The following SRGAP2 variants were observed in gnomAD, a reference collection of about 807,000 sequenced individuals.
The protein encoded by SRGAP2 is SLIT-ROBO Rho GTPase activating protein 2.
A neutral mutation model predicts 57.2 loss-of-function variants in SRGAP2; 15 were observed. The observed-to-expected ratio is 0.26, with a 90% CI of 0.18 to 0.40. The LOEUF (loss-of-function observed/expected upper bound fraction) is 0.40, where lower values mean the gene tolerates loss of function less well. Among genes scored for constraint, SRGAP2 ranks in the 10% least tolerant of loss-of-function variants. The pLI, the probability that SRGAP2 is intolerant of heterozygous loss-of-function variation, is 1.00. For synonymous variants in SRGAP2, 249 were observed against 248.0 expected, an observed-to-expected ratio of 1.00 and a Z score of -0.04; for missense variants, 520 against 669.6, an observed-to-expected ratio of 0.78 and a Z score of 2.47.
intron 3 of SRGAP2, among the ~76,000 whole-genome samples, chr1:206,341,367 G>T (rs2102914321): frequency 6.6e-6 from 1 of 152,302 alleles, no homozygotes; most frequent in East Asian, 1.9e-4. Context: ...TACTCGCTTT[G>T]CAGTTATAGG....
intron 2 of SRGAP2, among the ~76,000 whole-genome samples, chr1:206,219,803 CA>C (rs1666866774): frequency 6.6e-6 from 1 of 151,628 alleles, no homozygotes; most frequent in East Asian, 1.9e-4. Flanking sequence ...AGGCCAGTAA[CA>C]ACACAATATG....
At chr1:206,325,728 T>A (rs534133468) in intron 3 of SRGAP2, among the ~76,000 whole-genome samples, 16 of 152,226 alleles carry the variant, frequency 1.1e-4, no homozygotes, top group Middle Eastern at 3.4e-3. Flanking sequence ...TTGATTTTTT[T>A]AAACCTCACT....
chr1:206,226,471 G>C (rs1272589197), intron 2 of SRGAP2, among the ~76,000 whole-genome samples: 4 of 151,866 alleles, frequency 2.6e-5, no homozygotes, highest in Non-Finnish European at 5.9e-5. Context: ...CAGAGGCTTG[G>C]GTACCAGTGG....
At chr1:206,443,960 C>T (rs1258554090) in intron 17 of SRGAP2, among the ~76,000 whole-genome samples, 1 of 152,030 alleles carries the variant, frequency 6.6e-6, no homozygotes, top group South Asian at 2.1e-4. Flanking sequence ...GTGGCCAAGG[C>T]GGGTGGATCA....
chr1:206,365,658 G>A (rs1653931951), intron 4 of SRGAP2, among the ~76,000 whole-genome samples: 1 of 132,034 alleles, frequency 7.6e-6, no homozygotes, highest in Non-Finnish European at 1.6e-5. Flanking sequence ...CGGGGTAGGC[G>A]TACTGATGAG....
intron 4 of SRGAP2, among the ~76,000 whole-genome samples, chr1:206,353,690 A>G (rs1162215743): frequency 3.9e-4 from 59 of 149,994 alleles, no homozygotes; most frequent in African/African-American, 1.4e-3. Flanking sequence ...GCAAGACTCC[A>G]TCTCAAAAAA....
intron 3 of SRGAP2, among the ~76,000 whole-genome samples, chr1:206,329,722 T>A: frequency 6.9e-6 from 1 of 145,280 alleles, no homozygotes; most frequent in Non-Finnish European, 1.5e-5. Context: ...CGAAGGGGTT[T>A]TCTAGATAAA....
chr1:206,213,183 C>T (rs1437640939), intron 2 of SRGAP2: 1 of 151,916 alleles, frequency 6.6e-6, no homozygotes, highest in Non-Finnish European at 1.5e-5. Flanking sequence ...AAGAGCGAGA[C>T]TCCATTTCAA....
At chr1:206,389,492 A>C (rs1572026730) in intron 5 of SRGAP2, among the ~76,000 whole-genome samples, 1 of 151,762 alleles carries the variant, frequency 6.6e-6, no homozygotes, top group African/African-American at 2.4e-5. Context: ...TCAGACTTTC[A>C]ATAGCTTATT....
rs575830134 is a variant in SRGAP2, at chr1:206,347,157, G to A, written c.423+4149G>A. On this transcript the variant is annotated intron_variant, in intron 4 of 22. Transcript: ENST00000573034. ...GCCTAGCTACCCAGGAGGCTGAGAC[G>A]GGAAGGATCACTTGAGCCCAGAAAT... Among the ~76,000 whole-genome samples the A allele has an allele frequency of 2.8e-3, 424 of 149,144 alleles. 3 individuals carry two copies. Among genetic ancestry groups the A allele is most frequent in the Non-Finnish European group, 2.8e-3 (189 of 67,190 alleles).
intron 3 of SRGAP2, among the ~76,000 whole-genome samples, chr1:206,338,236 T>C (rs1345463688): frequency 1.8e-5 from 1 of 56,130 alleles, no homozygotes; most frequent in African/African-American, 7.4e-5. Context: ...GGTTTGCAGC[T>C]GCTCAGCACA....
chr1:206,445,923 A>C (rs1362366353), intron 17 of SRGAP2, among the ~76,000 whole-genome samples, 152 bp from the exon 18 acceptor site: 1 of 152,196 alleles, frequency 6.6e-6, no homozygotes, highest in African/African-American at 2.4e-5. Flanking sequence ...TTTTCTCCCC[A>C]GCTTACTTTC....
intron 2 of SRGAP2, among the ~76,000 whole-genome samples, chr1:206,241,149 A>C (rs1268024675): frequency 1.3e-5 from 2 of 152,170 alleles, no homozygotes; most frequent in Non-Finnish European, 2.9e-5. Context: ...ATGCCTCTAC[A>C]CTCTGGCCTG....
chr1:206,236,865 C>T (rs1667937799), intron 2 of SRGAP2, among the ~76,000 whole-genome samples: 2 of 108,600 alleles, frequency 1.8e-5, no homozygotes. Context: ...AAAACGAAGA[C>T]AAAACTGTTC....
At chr1:206,422,308 T>C (rs1660394000) in intron 13 of SRGAP2, among the ~76,000 whole-genome samples, 1 of 152,244 alleles carries the variant, frequency 6.6e-6, no homozygotes, top group African/African-American at 2.4e-5. Context: ...TCAGCTTTGC[T>C]GTCACTATTT....
At chr1:206,215,096 GCAT>G (rs1666568454) in intron 2 of SRGAP2, among the ~76,000 whole-genome samples, 2 of 143,728 alleles carry the variant, frequency 1.4e-5, no homozygotes, top group Non-Finnish European at 3.0e-5. Flanking sequence ...AGTCTTGTCA[GCAT>G]CACCTCCTTG....
intron 14 of SRGAP2, among the ~76,000 whole-genome samples, chr1:206,435,968 C>T (rs1014770954): frequency 6.6e-6 from 1 of 152,156 alleles, no homozygotes; most frequent in Admixed American, 6.5e-5. Flanking sequence ...GGAACCAGTG[C>T]CTAGCACAAT....
At chr1:206,383,702 A>T (rs1655923842) in intron 4 of SRGAP2, among the ~76,000 whole-genome samples, 1 of 147,702 alleles carries the variant, frequency 6.8e-6, no homozygotes, top group Non-Finnish European at 1.5e-5. Context: ...ACCTAACAAC[A>T]GTTGCTAGGT....
chr1:206,266,508 G>A (rs1669858471), intron 2 of SRGAP2, among the ~76,000 whole-genome samples: 1 of 152,194 alleles, frequency 6.6e-6, no homozygotes, highest in South Asian at 2.1e-4. Context: ...CTCCCAAACT[G>A]CTGGGATTAC....
Sources: allele counts gnomAD v4.1 joint callset (sites outside exome capture counted in the v4.1 genomes callset), GRCh38; gene constraint gnomAD v4.1.1; transcripts MANE v1.5; gene names NCBI Gene and HGNC (gene_info 2026-07-23, HGNC 2026-07-21).